TLX1: variants seen among roughly 807,000 people sequenced by gnomAD.
TLX1 encodes the protein T-cell leukemia homeobox protein 1.
TLX1 carries 6 observed loss-of-function variants against 26.5 expected under a neutral mutation model. That is an observed-to-expected ratio of 0.23 (90% CI 0.12 to 0.45). The LOEUF (loss-of-function observed/expected upper bound fraction) is 0.45, where lower values mean the gene tolerates loss of function less well. Ranked by LOEUF, TLX1 falls within the 20% of genes least tolerant of loss-of-function variation. The pLI, the probability that TLX1 is intolerant of heterozygous loss-of-function variation, is 0.99. For missense variants in TLX1, 418 were observed against 482.6 expected (o/e 0.87, Z 1.25); for synonymous variants, 217 against 219.7 (o/e 0.99, Z 0.11).
rs914883755 is a variant in TLX1, at chr10:101,136,548, G to A, written c.771-143G>A. Reference sequence around the variant, plus strand: ...CAGGACTCTCAAAAGAAGGGAACGCGTTATAGGGGCCCAAACTGGATTTGG... The same window carrying A: ...CAGGACTCTCAAAAGAAGGGAACGCATTATAGGGGCCCAAACTGGATTTGG... On this transcript the variant is annotated intron_variant, in intron 2 of 2. Coordinates refer to ENST00000370196, the MANE Select transcript of TLX1 (RefSeq NM_005521.4). 5.0e-6 allele frequency: 7 copies of A among 1,396,480 alleles called. No homozygotes were observed. In the African/African-American group the frequency reaches 7.1e-5, roughly 14 times the overall value. 86.5% of individuals were successfully genotyped at this position (1,396,480 alleles called of 1,614,324 possible).
intron 2 of TLX1, 98 bp downstream of exon 2, chr10:101,134,474 C>G: frequency 7.5e-7 from 1 of 1,326,168 alleles, no homozygotes; most frequent in Non-Finnish European, 1.0e-6. Flanking sequence ...TTTTTCCGCT[C>G]GCGGTTTCTG....
Position 101,136,980 on chromosome 10 carries a change from C to T in TLX1, c.*67C>T, listed in dbSNP as rs1004885639. Reference sequence around the variant, plus strand: ...GGTCACTGAGGCCTGAGACCCAGGACTCCTCCCCACCCTCCTGGCCTCAGA... The same window carrying T: ...GGTCACTGAGGCCTGAGACCCAGGATTCCTCCCCACCCTCCTGGCCTCAGA... On this transcript the variant is annotated 3_prime_UTR_variant, in exon 3 of 3. Transcript: ENST00000370196. The T allele has an allele frequency of 5.1e-6, 8 of 1,574,384 alleles. No homozygotes were observed. The highest frequency in any genetic ancestry group is 6.9e-6 in the Non-Finnish European group (8 of 1,156,670).
Position 101,134,261 on chromosome 10 carries a change from C to T in TLX1, c.655C>T (p.Arg219Cys), listed in dbSNP as rs376735855. 1 of 1,611,788 alleles carries T rather than the reference C, an allele frequency of 6.2e-7. No homozygotes were observed. The highest frequency in any genetic ancestry group is 8.5e-7 in the Non-Finnish European group (1 of 1,179,252). ...TRLQICELEK[R>C]FHRQKYLASA... Reference sequence around the variant, plus strand: ...CCTGCAGATCTGCGAGCTGGAGAAGCGCTTCCACCGCCAGAAGTACCTGGC... The same window carrying T: ...CCTGCAGATCTGCGAGCTGGAGAAGTGCTTCCACCGCCAGAAGTACCTGGC... Residue 219 changes from arginine to cysteine, a missense_variant, in exon 2 of 3, where the codon CGC (arginine) becomes TGC (cysteine). Arg to Cys is a radical substitution (Grantham distance 180). Transcript: ENST00000370196.
chr10:101,134,440 T>G, intron 2 of TLX1, 64 bp downstream of exon 2: 1 of 1,425,310 alleles, frequency 7.0e-7, no homozygotes, highest in East Asian at 2.5e-5. Context: ...CTCGGTTCAT[T>G]GGCCTCTCGT....
At chr10:101,136,645 A>AGC (rs750947380) in intron 2 of TLX1, 46 bp from the exon 3 acceptor site, 9 of 1,612,250 alleles carry the variant, frequency 5.6e-6, no homozygotes, top group Non-Finnish European at 6.8e-6. Context: ...CACACGCGGG[A>AGC]GCTGGGTCGG....
chr10:101,134,471 G>C, intron 2 of TLX1, 95 bp downstream of exon 2: 1 of 1,341,074 alleles, frequency 7.5e-7, no homozygotes, highest in Non-Finnish European at 9.9e-7. Flanking sequence ...TACTTTTTCC[G>C]CTCGCGGTTT....
intron 2 of TLX1, among the ~76,000 whole-genome samples, chr10:101,135,154 C>T (rs892168311): frequency 8.6e-5 from 13 of 151,614 alleles, no homozygotes; most frequent in African/African-American, 1.2e-4. Flanking sequence ...GACGCTTTCT[C>T]CGGCTGCACC....
chr10:101,135,515 C>G (rs962632856), intron 2 of TLX1: 6 of 154,162 alleles, frequency 3.9e-5, no homozygotes, highest in Non-Finnish European at 8.8e-5. Flanking sequence ...GTTGGGGGGA[C>G]TCCGGTTTCC....
At chr10:101,135,485 G>C (rs987996912) in intron 2 of TLX1, 2 of 154,456 alleles carry the variant, frequency 1.3e-5, no homozygotes, top group African/African-American at 4.8e-5. Flanking sequence ...GCTAAAGAGG[G>C]AGCCAGGGCT....
chr10:101,136,730 A>C lies in TLX1; in HGVS notation c.810A>C (p.Gln270His). ...AGGAACGGGAGGCCGAGAGGCAGCA[A>C]GCGAACCGCATCCTCCTGCAGTTGC... ...TAEEREAERQ[Q>H]ANRILLQLQQ... Residue 270 changes from glutamine to histidine, a missense_variant, in exon 3 of 3, where the codon CAA becomes CAC. Physicochemically the swap from Gln to His is conservative, Grantham distance 24. Transcript: ENST00000370196. 6.2e-7 allele frequency: 1 copy of C among 1,613,106 alleles called. No homozygotes were observed. Among genetic ancestry groups the C allele is most frequent in the Admixed American group, 1.7e-5 (1 of 60,026 alleles).
Position 101,137,044 on chromosome 10 carries a change from G to C in TLX1, c.*131G>C. On this transcript the variant is annotated 3_prime_UTR_variant, in exon 3 of 3. Coordinates refer to ENST00000370196, the MANE Select transcript of TLX1 (RefSeq NM_005521.4). ...GGGAACACTGCCCTCGCACGGCCCC[G>C]AAGGGCCCCCACATTTGTGCCGACA... 8.3e-7 allele frequency: 1 copy of C among 1,206,406 alleles called. No individual in the cohort carries two copies. 74.7% of individuals were successfully genotyped at this position (1,206,406 alleles called of 1,614,324 possible).
intron 2 of TLX1, among the ~76,000 whole-genome samples, chr10:101,136,308 C>T (rs992217253): frequency 4.6e-5 from 7 of 152,158 alleles, no homozygotes; most frequent in African/African-American, 1.4e-4. Flanking sequence ...GGGTGAGGGC[C>T]CTCTGGCTTG....
At chr10:101,133,988 C>G (rs2134304551) in intron 1 of TLX1, among the ~76,000 whole-genome samples, 187 bp from the exon 2 acceptor site, 1 of 152,194 alleles carries the variant, frequency 6.6e-6, no homozygotes, top group East Asian at 1.9e-4. Flanking sequence ...CGTTTCCCGC[C>G]GTGGGCTTGT....
chr10:101,136,682 C>T lies in TLX1; in HGVS notation c.771-9C>T, dbSNP rs1462259303. On this transcript the variant is annotated splice_polypyrimidine_tract_variant and intron_variant, in intron 2 of 2. Coordinates refer to ENST00000370196, the MANE Select transcript of TLX1 (RefSeq NM_005521.4). The stretch of plus-strand genomic sequence containing the variant: ...GCTCCTGGCAGGTAACGGCTTGTTC[C>T]CGGTGCAGACGGCAGACTGCGGAGG... The T allele has an allele frequency of 1.9e-6, 3 of 1,612,224 alleles. No individual in the cohort carries two copies. The highest frequency in any genetic ancestry group is 3.3e-5 in the Admixed American group (2 of 60,030).
intron 2 of TLX1, 28 bp downstream of exon 2, chr10:101,134,404 C>A (rs760960899): frequency 1.3e-6 from 2 of 1,512,356 alleles, no homozygotes; most frequent in Admixed American, 2.3e-5. Context: ...GCCGGCCGCC[C>A]GCGAGCGGCG....
rs1417887661 is a variant in TLX1 at position 101,131,892 on chromosome 10, C to CGGCAGCAGCGGCGGT, written c.353_367dup (p.Gly118_Gly122dup). 4.8e-5 allele frequency: 67 copies of CGGCAGCAGCGGCGGT among 1,394,060 alleles called. No homozygotes were observed. Among genetic ancestry groups the CGGCAGCAGCGGCGGT allele is most frequent in the Middle Eastern group, 3.8e-4 (2 of 5,256 alleles). The allele number at this position is 1,394,060 out of a possible 1,614,324, so 86.4% of individuals were successfully genotyped here. On this transcript the variant is annotated inframe_insertion, in exon 1 of 3. Coordinates refer to ENST00000370196, the MANE Select transcript of TLX1 (RefSeq NM_005521.4). ...GCGGCCCCGGTCCTGGCGGCGGCGG[C>CGGCAGCAGCGGCGGT]GGCAGCAGCGGCGGTGCCGGGGCAC... is the stretch of plus-strand genomic sequence containing the variant.
intron 1 of TLX1, among the ~76,000 whole-genome samples, chr10:101,133,285 C>T (rs1940219338): frequency 2.6e-5 from 4 of 152,242 alleles, no homozygotes; most frequent in Admixed American, 2.6e-4. Context: ...AGCAGCACAG[C>T]CAGGGAAACT....
rs766026081 is a variant in TLX1, at chr10:101,136,840, A to G, written c.920A>G (p.Gln307Arg). 1 of 1,613,750 alleles carries G rather than the reference A, an allele frequency of 6.2e-7. No homozygotes were observed. The highest frequency in any genetic ancestry group is 8.5e-7 in the Non-Finnish European group (1 of 1,180,030). ...CVHNSSLFAL[Q>R]NLQPWSDDST... ...CACAACTCGTCGCTCTTCGCCCTGC[A>G]GAATCTGCAGCCGTGGTCTGACGAC... The change falls in exon 3 of 3, where the codon CAG becomes CGG. Residue 307 changes from glutamine to arginine, a missense_variant. Transcript: ENST00000370196.
chr10:101,136,615 G>A, intron 2 of TLX1, 76 bp from the exon 3 acceptor site: 1 of 1,610,368 alleles, frequency 6.2e-7, no homozygotes, highest in South Asian at 1.1e-5. Flanking sequence ...TTATCTCCTG[G>A]GAACGCACCA....
Sources: gnomAD v4.1 joint callset for allele counts (sites outside exome capture counted in the v4.1 genomes callset) on GRCh38, gnomAD v4.1.1 for gene constraint, MANE v1.5 for transcripts, NCBI Gene and HGNC (gene_info 2026-07-23, HGNC 2026-07-21) for gene names.